Variants in ASTN2 observed in about 807,000 individuals in gnomAD.
ASTN2 encodes astrotactin-2.
In ASTN2, 54 loss-of-function variants were observed where a neutral mutation model predicts 139.8. The observed-to-expected ratio is 0.39, with a 90% CI of 0.31 to 0.48. The LOEUF is 0.48. Ranked by LOEUF, ASTN2 falls within the 20% of genes least tolerant of loss-of-function variation. The pLI, the probability that ASTN2 is intolerant of heterozygous loss-of-function variation, is 0.95. For missense variants in ASTN2, 1,565 were observed against 1,725.1 expected (o/e 0.91, Z 1.64); for synonymous variants, 756 against 719.5 (o/e 1.05, Z -0.81).
chr9:116,865,792 CT>C (rs1833000012), intron 10 of ASTN2, among the ~76,000 whole-genome samples: 1 of 152,198 alleles, frequency 6.6e-6, no homozygotes, highest in African/African-American at 2.4e-5. Context: ...AAATCATGCT[CT>C]TCCTTCTGCC....
intron 1 of ASTN2, among the ~76,000 whole-genome samples, chr9:117,387,233 T>C (rs1830423637): frequency 6.6e-6 from 1 of 152,226 alleles, no homozygotes; most frequent in Non-Finnish European, 1.5e-5. Flanking sequence ...TTAAGTACAC[T>C]ATATTCTGTA....
intron 1 of ASTN2, among the ~76,000 whole-genome samples, chr9:117,400,150 A>G (rs1830785161): frequency 6.6e-6 from 1 of 152,132 alleles, no homozygotes; most frequent in Non-Finnish European, 1.5e-5. Flanking sequence ...TACAATATTA[A>G]TCTTCCCTGA....
intron 16 of ASTN2, among the ~76,000 whole-genome samples, chr9:116,668,085 C>T (rs1858979027): frequency 6.6e-6 from 1 of 152,142 alleles, no homozygotes; most frequent in South Asian, 2.1e-4. Context: ...ATATCCCCTG[C>T]TCCCAACTCC....
intron 13 of ASTN2, among the ~76,000 whole-genome samples, chr9:116,784,089 CA>C (rs1483754308): frequency 6.6e-6 from 1 of 152,136 alleles, no homozygotes; most frequent in Non-Finnish European, 1.5e-5. Context: ...TCACTATTTT[CA>C]CAGATAAGAA....
At chr9:116,636,087 G>GA (rs1360947859) in intron 17 of ASTN2, among the ~76,000 whole-genome samples, 1 of 152,178 alleles carries the variant, frequency 6.6e-6, no homozygotes, top group East Asian at 1.9e-4. Context: ...TGCATGCTGA[G>GA]ACCACAAGCT....
At position 116,686,999 on chromosome 9, in the gene ASTN2, C is replaced by G. The variant is rs111482128; in HGVS notation, c.2807-35206G>C. On this transcript the variant is annotated intron_variant, in intron 16 of 22. Coordinates refer to ENST00000313400, the MANE Select transcript of ASTN2 (RefSeq NM_001365068.1). ...TGCTGAGGACTACCCTGGAGGCTAC[C>G]GTTTTGTGAAGGGGTAGACATTGAG... 55 of 1,415,964 alleles carry G rather than the reference C, an allele frequency of 3.9e-5. 2 individuals are homozygous for G. In the African/African-American group the frequency reaches 4.5e-4, roughly 11 times the overall value. The allele number at this position is 1,415,964 out of a possible 1,614,324, so 87.7% of individuals were successfully genotyped here. A position where few individuals can be genotyped will look rare whatever the true frequency, so the allele number is the denominator to read the frequency against.
chr9:116,947,217 A>G (rs3860182), intron 10 of ASTN2, among the ~76,000 whole-genome samples: 1 of 152,182 alleles, frequency 6.6e-6, no homozygotes, highest in African/African-American at 2.4e-5. Context: ...GAAGTCACTC[A>G]ACTTCTAAGA....
At chr9:117,177,755 GTCA>G (rs1488409663) in intron 3 of ASTN2, among the ~76,000 whole-genome samples, 1 of 152,192 alleles carries the variant, frequency 6.6e-6, no homozygotes, top group Admixed American at 6.5e-5. Flanking sequence ...TGTGATTAGA[GTCA>G]TCATTTTTGT....
chr9:116,734,189 C>T (rs1022431008), intron 13 of ASTN2, among the ~76,000 whole-genome samples: 6 of 152,150 alleles, frequency 3.9e-5, no homozygotes, highest in African/African-American at 1.2e-4. Context: ...TGTCTTCTGA[C>T]TCCAGGTTAG....
At position 116,725,958 on chromosome 9, in the gene ASTN2, A is replaced by G. The variant is rs774504077; in HGVS notation, c.2627-8T>C. The G allele has an allele frequency of 3.7e-6, 6 of 1,607,594 alleles. No homozygotes were observed. In the East Asian group the frequency reaches 1.1e-4, roughly 30 times the overall value. Reference sequence around the variant, plus strand: ...TGAGAACATTAGTGAAGCCTGGACAAGAGAGGAGCATGTGGAGGTGGTCAG... The same window carrying G: ...TGAGAACATTAGTGAAGCCTGGACAGGAGAGGAGCATGTGGAGGTGGTCAG... On this transcript the variant is annotated splice_polypyrimidine_tract_variant and splice_region_variant and intron_variant, in intron 15 of 22. Transcript: ENST00000313400.
At chr9:116,797,197 T>C (rs1830720869) in intron 13 of ASTN2, among the ~76,000 whole-genome samples, 1 of 152,144 alleles carries the variant, frequency 6.6e-6, no homozygotes, top group Admixed American at 6.5e-5. Flanking sequence ...ATGGATTCAC[T>C]AGTATATACT....
intron 5 of ASTN2, among the ~76,000 whole-genome samples, chr9:117,066,271 T>C (rs1827939705): frequency 6.9e-6 from 1 of 144,982 alleles, no homozygotes; most frequent in South Asian, 2.4e-4. Flanking sequence ...ATGCGGTGTT[T>C]GGTTTTTTGT....
chr9:117,141,597 C>T (rs1053658663), intron 3 of ASTN2, 119 bp from the exon 4 acceptor site: 4 of 907,050 alleles, frequency 4.4e-6, no homozygotes, highest in Non-Finnish European at 5.9e-6. Flanking sequence ...GACCTGGCCA[C>T]CCTAATTCCT....
intron 13 of ASTN2, among the ~76,000 whole-genome samples, chr9:116,785,898 C>T (rs570811080): frequency 3.3e-5 from 5 of 152,338 alleles, no homozygotes; most frequent in African/African-American, 1.2e-4. Flanking sequence ...ACCTTTTCTG[C>T]TCAAATAATG....
intron 11 of ASTN2, among the ~76,000 whole-genome samples, chr9:116,837,111 G>A (rs1259977829): frequency 2.0e-5 from 3 of 152,144 alleles, no homozygotes; most frequent in Non-Finnish European, 4.4e-5. Context: ...GATTACTGAA[G>A]TTAGTGAATC....
chr9:117,163,092 G>A (rs150022932), intron 3 of ASTN2, among the ~76,000 whole-genome samples: 66 of 152,114 alleles, frequency 4.3e-4, no homozygotes, highest in African/African-American at 1.5e-3. Flanking sequence ...CCATCTACAC[G>A]GAAGCCCCAG....
intron 16 of ASTN2, among the ~76,000 whole-genome samples, chr9:116,659,356 A>C (rs576044892): frequency 6.5e-4 from 99 of 152,318 alleles, no homozygotes; most frequent in Admixed American, 5.5e-3. Flanking sequence ...CAAATGAATA[A>C]ATGAATGCAT....
At chr9:117,165,702 A>C (rs1830655763) in intron 3 of ASTN2, among the ~76,000 whole-genome samples, 2 of 152,096 alleles carry the variant, frequency 1.3e-5, no homozygotes, top group Admixed American at 1.3e-4. Context: ...TCCAGTGGCA[A>C]AATGTCATCC....
chr9:117,040,921 A>C (rs1838545615), intron 5 of ASTN2, among the ~76,000 whole-genome samples: 1 of 152,210 alleles, frequency 6.6e-6, no homozygotes, highest in Non-Finnish European at 1.5e-5. Context: ...ACTATGTGAG[A>C]CACATACAGA....
Sources: gnomAD v4.1 joint callset for allele counts (sites outside exome capture counted in the v4.1 genomes callset) on GRCh38, gnomAD v4.1.1 for gene constraint, MANE v1.5 for transcripts, NCBI Gene and HGNC (gene_info 2026-07-23, HGNC 2026-07-21) for gene names.